Variants in TGM6 observed in about 807,000 individuals in gnomAD.
TGM6 encodes the protein transglutaminase 6.
A neutral mutation model predicts 77.5 loss-of-function variants in TGM6; 74 were observed. The ratio of observed to expected loss-of-function variants is 0.96; its 90% confidence interval spans 0.79 to 1.16. The LOEUF (loss-of-function observed/expected upper bound fraction) is 1.16, where lower values mean the gene tolerates loss of function less well. Ranked by LOEUF, TGM6 falls within the 50% of genes most tolerant of loss-of-function variation. The pLI, the probability that TGM6 is intolerant of heterozygous loss-of-function variation, is 0.00. For missense variants in TGM6, 968 were observed against 940.2 expected (o/e 1.03, Z -0.39); for synonymous variants, 383 against 378.9 (o/e 1.01, Z -0.12).
In TGM6 at chr20:2,417,517, A is replaced by C; in HGVS notation, c.1622A>C (p.Lys541Thr). The change falls in exon 10 of 13, where the codon AAG becomes ACG. Residue 541 changes from lysine (K) to threonine (T), a missense_variant. Coordinates refer to ENST00000202625, the MANE Select transcript of TGM6 (RefSeq NM_198994.3). ...GGTGCCACCATCCTCTATACCCGCA[A>C]GCCAGTGGCAGAGATCCTGCATGAA... ...LSGATILYTR[K>T]PVAEILHESH... The C allele has an allele frequency of 6.2e-7, 1 of 1,607,310 alleles. No homozygotes were observed. The highest frequency in any genetic ancestry group is 8.5e-7 in the Non-Finnish European group (1 of 1,179,958).
At chr20:2,385,216 GC>G (rs1189619574) in intron 1 of TGM6, among the ~76,000 whole-genome samples, 2 of 152,204 alleles carry the variant, frequency 1.3e-5, no homozygotes, top group Non-Finnish European at 2.9e-5. Flanking sequence ...ACCTCCTCTT[GC>G]CCGTCTGTGT....
intron 9 of TGM6, among the ~76,000 whole-genome samples, chr20:2,411,091 G>A (rs186201341): frequency 6.6e-6 from 1 of 152,258 alleles, no homozygotes; most frequent in Non-Finnish European, 1.5e-5. Flanking sequence ...AGTAGAAGAT[G>A]AGGGAATACT....
At chr20:2,420,199 C>T (rs1333115894) in intron 10 of TGM6, among the ~76,000 whole-genome samples, 4 of 151,932 alleles carry the variant, frequency 2.6e-5, no homozygotes, top group Admixed American at 6.6e-5. Flanking sequence ...GAGCCGAGAT[C>T]GCGCCACTGC....
At chr20:2,386,070 T>C (rs1274742199) in intron 1 of TGM6, among the ~76,000 whole-genome samples, 1 of 152,028 alleles carries the variant, frequency 6.6e-6, no homozygotes, top group African/African-American at 2.4e-5. Flanking sequence ...CTGGAAACCA[T>C]CCCAAGTGCA....
In TGM6 at chr20:2,395,356, G is replaced by A; in HGVS notation, c.344G>A (p.Ser115Asn). 2 of 1,614,244 alleles carry A rather than the reference G, an allele frequency of 1.2e-6. No individual in the cohort carries two copies. Among genetic ancestry groups the A allele is most frequent in the Non-Finnish European group, 1.7e-6 (2 of 1,180,040 alleles). The change falls in exon 3 of 13, where the codon AGC (serine) becomes AAC (asparagine). Residue 115 changes from serine to asparagine, a missense_variant. By Grantham distance (46) the Ser-to-Asn change is conservative. Transcript: ENST00000202625. ...GCTGTCATTGGCCGCTACCTGCTGA[G>A]CATCAGGCTTTCCTCTCACCGCAAA... ...PSAVIGRYLL[S>N]IRLSSHRKHS...
At chr20:2,396,362 G>C (rs972109292) in intron 3 of TGM6, 144 bp from the exon 4 acceptor site, 3 of 774,400 alleles carry the variant, frequency 3.9e-6, no homozygotes, top group Non-Finnish European at 6.9e-6. Context: ...GAGGCAGCAC[G>C]GGAGCTCGCA....
intron 1 of TGM6, among the ~76,000 whole-genome samples, chr20:2,385,284 G>A (rs576850770): frequency 5.9e-5 from 9 of 152,234 alleles, no homozygotes; most frequent in Admixed American, 3.9e-4. Flanking sequence ...TGGCAGGGAA[G>A]AGGGACAACC....
In TGM6 at chr20:2,432,499, C is replaced by G. The variant is rs1221931731; in HGVS notation, c.1977C>G (p.Thr659=). ...CCTCCCCTTCCTCCAGCGTGCCTAC[C>G]CTGGAGCCTCAGGAGAGGGCCTCAG... ...LQEQLSIDVP[T]LEPQERASVQ... The change falls in exon 13 of 13, where the codon ACC becomes ACG. Residue 659 remains threonine, a synonymous_variant. Coordinates refer to ENST00000202625, the MANE Select transcript of TGM6 (RefSeq NM_198994.3). The G allele has an allele frequency of 3.7e-6, 6 of 1,613,996 alleles. No individual in the cohort carries two copies. The Admixed American group carries it at 6.7e-5, about 18-fold the overall frequency.
chr20:2,396,053 G>A (rs374039289), intron 3 of TGM6, among the ~76,000 whole-genome samples: 8 of 151,956 alleles, frequency 5.3e-5, no homozygotes, highest in Admixed American at 3.3e-4. Context: ...GGTGGCACAC[G>A]CCTGTAATCC....
At chr20:2,408,199 A>G (rs2084764291) in intron 9 of TGM6, among the ~76,000 whole-genome samples, 1 of 152,180 alleles carries the variant, frequency 6.6e-6, no homozygotes, top group African/African-American at 2.4e-5. Context: ...ATGAAATGAC[A>G]GGGGCTTGTG....
intron 1 of TGM6, among the ~76,000 whole-genome samples, chr20:2,382,188 T>G (rs1024808840): frequency 6.6e-6 from 1 of 152,240 alleles, no homozygotes; most frequent in Non-Finnish European, 1.5e-5. Flanking sequence ...TAGTCTAGCT[T>G]CCTCTTCATA....
In TGM6 at chr20:2,403,648, T is replaced by C. The variant is rs2084728397; in HGVS notation, c.1161T>C (p.Asp387=). ...AGGGTGATGTGCACCTGGCTCACGA[T>C]GGCCCCTTCGTGTTTGCGGAGGTCA... ...IREGDVHLAH[D]GPFVFAEVNA... is the part of the protein sequence containing the mutation. The change falls in exon 9 of 13, where the codon GAT becomes GAC. Residue 387 remains aspartate, a synonymous_variant. Coordinates refer to ENST00000202625, the MANE Select transcript of TGM6 (RefSeq NM_198994.3). 6.2e-7 allele frequency: 1 copy of C among 1,614,198 alleles called. No homozygotes were observed.
chr20:2,419,425 T>C (rs893163550), intron 10 of TGM6, among the ~76,000 whole-genome samples: 1 of 152,216 alleles, frequency 6.6e-6, no homozygotes, highest in African/African-American at 2.4e-5. Context: ...TCACAAAGTC[T>C]AAATCACAAA....
chr20:2,428,142 T>A (rs1001501714), intron 10 of TGM6, among the ~76,000 whole-genome samples: 25 of 152,202 alleles, frequency 1.6e-4, no homozygotes, highest in Admixed American at 1.6e-3. Flanking sequence ...GTGTCATTTA[T>A]GCCACAGAAT....
At chr20:2,410,134 C>T (rs2122391683) in intron 9 of TGM6, among the ~76,000 whole-genome samples, 1 of 152,138 alleles carries the variant, frequency 6.6e-6, no homozygotes, top group Non-Finnish European at 1.5e-5. Flanking sequence ...GGGCTGGTTG[C>T]CTGAAAAATC....
At chr20:2,391,236 G>A (rs2084627674) in intron 1 of TGM6, among the ~76,000 whole-genome samples, 1 of 151,958 alleles carries the variant, frequency 6.6e-6, no homozygotes. Context: ...GTGTATGTTA[G>A]GAGGCATAAG....
chr20:2,380,945 C>G lies in TGM6; in HGVS notation c.-24C>G. ...GTGCACACACTGCTGTGTGGAGGAA[C>G]AGAGGAGTCCAGCTGGCCTTCACAT... On this transcript the variant is annotated 5_prime_UTR_variant, in exon 1 of 13. Coordinates refer to ENST00000202625, the MANE Select transcript of TGM6 (RefSeq NM_198994.3). The G allele has an allele frequency of 6.2e-7, 1 of 1,605,464 alleles. No individual in the cohort carries two copies. The highest frequency in any genetic ancestry group is 2.2e-5 in the East Asian group (1 of 44,710).
chr20:2,394,534 G>T lies in TGM6; in HGVS notation c.90G>T (p.Leu30=), dbSNP rs1170722111. 1 of 1,612,030 alleles carries T rather than the reference G, an allele frequency of 6.2e-7. No individual in the cohort carries two copies. Among genetic ancestry groups the T allele is most frequent in the South Asian group, 1.1e-5 (1 of 90,976 alleles). ...CCCAGGAGTACCCCTGCCCTGAGCT[G>T]GTGGTTCGCAGGGGCCAGTCGTTCA... ...HHTQEYPCPE[L]VVRRGQSFSL... The change falls in exon 2 of 13, where the codon CTG becomes CTT. Residue 30 remains leucine, a synonymous_variant. Coordinates refer to ENST00000202625, the MANE Select transcript of TGM6 (RefSeq NM_198994.3).
intron 2 of TGM6, among the ~76,000 whole-genome samples, chr20:2,394,938 C>G (rs1286210322): frequency 6.6e-6 from 1 of 152,192 alleles, no homozygotes; most frequent in Non-Finnish European, 1.5e-5. Flanking sequence ...CCTTTCCTGG[C>G]CCGACATAGG....
Sources: allele counts gnomAD v4.1 joint callset (sites outside exome capture counted in the v4.1 genomes callset), GRCh38; gene constraint gnomAD v4.1.1; transcripts MANE v1.5; gene names NCBI Gene and HGNC (gene_info 2026-07-23, HGNC 2026-07-21).